MYSM1: variants seen among roughly 807,000 people sequenced by gnomAD.
MYSM1 encodes the protein deubiquitinase MYSM1.
In MYSM1, 51 loss-of-function variants were observed where a neutral mutation model predicts 116.0. That is an observed-to-expected ratio of 0.44 (90% CI 0.35 to 0.56). The LOEUF (loss-of-function observed/expected upper bound fraction) is 0.56. Ranked by LOEUF, MYSM1 falls within the 20% of genes least tolerant of loss-of-function variation. The pLI is 0.00. For synonymous variants in MYSM1, 313 were observed against 315.2 expected (o/e 0.99, Z 0.07); for missense variants, 900 against 974.9 (o/e 0.92, Z 1.02).
chr1:58,659,123 A>G lies in MYSM1; in HGVS notation c.*874T>C, dbSNP rs1025429203. 6.6e-6 allele frequency: 1 copy of G among 152,054 alleles called. No individual in the cohort carries two copies. Among genetic ancestry groups the G allele is most frequent in the East Asian group, 1.9e-4 (1 of 5,184 alleles). 9.4% of individuals were successfully genotyped at this position (152,054 alleles called of 1,614,324 possible). On this transcript the variant is annotated 3_prime_UTR_variant, in exon 20 of 20. Coordinates refer to ENST00000472487, the MANE Select transcript of MYSM1 (RefSeq NM_001085487.3). The stretch of plus-strand genomic sequence containing the variant: ...CAGAAAGCATATGAAACTGGGCTGA[A>G]TATGTAACATGTCCTGAAAGGCTTG...
chr1:58,668,281 T>C (rs542375759), intron 14 of MYSM1: 1 of 384,802 alleles, frequency 2.6e-6, no homozygotes, highest in South Asian at 5.6e-5. Context: ...ACACAAAAAC[T>C]GTTGGAGGTA....
At chr1:58,660,203 G>A in intron 19 of MYSM1, 48 bp from the exon 20 acceptor site, 2 of 1,263,500 alleles carry the variant, frequency 1.6e-6, no homozygotes, top group Non-Finnish European at 2.1e-6. Context: ...AAAGTATGAG[G>A]GTTTGCATTA....
intron 9 of MYSM1, 64 bp downstream of exon 9, chr1:58,676,862 A>T: frequency 6.5e-7 from 1 of 1,537,298 alleles, no homozygotes; most frequent in Non-Finnish European, 8.8e-7. Flanking sequence ...CATCATAGAA[A>T]TGAATAAGTG....
chr1:58,665,583 G>A lies in MYSM1; in HGVS notation c.2080C>T (p.Pro694Ser). ...GGTAAGGGATTATTTCGATTATAGG[G>A]ACTAACAATCATCCCAATGAACTTT... Reference protein sequence around the residue: ...GAKFIGMIVSPYNRNNPLPYS... With the variant: ...GAKFIGMIVSSYNRNNPLPYS... The change falls in exon 17 of 20, where the codon CCC becomes TCC. Residue 694 changes from proline (P) to serine (S), a missense_variant. Physicochemically the swap from Pro to Ser is moderately conservative, Grantham distance 74. This residue lies in a region of MYSM1 where 186 missense variants were observed against 196.2 expected (regional missense o/e 0.95). Coordinates refer to ENST00000472487, the MANE Select transcript of MYSM1 (RefSeq NM_001085487.3). 6.3e-7 allele frequency: 1 copy of A among 1,587,074 alleles called. No individual in the cohort carries two copies. Among genetic ancestry groups the A allele is most frequent in the East Asian group, 2.2e-5 (1 of 44,668 alleles).
chr1:58,694,611 G>C (rs2746082), intron 2 of MYSM1, among the ~76,000 whole-genome samples: 92,271 of 150,698 alleles, frequency 0.61, 28,360 homozygotes, highest in East Asian at 0.64. Flanking sequence ...CAAAGAGACT[G>C]CATCTCAAAA....
intron 3 of MYSM1, among the ~76,000 whole-genome samples, chr1:58,691,046 G>A (rs1331336747): frequency 2.6e-5 from 4 of 152,078 alleles, no homozygotes; most frequent in Admixed American, 1.3e-4. Context: ...TTGGAAGGCC[G>A]AGGCAGGCGG....
chr1:58,690,911 C>G (rs1644896100), intron 3 of MYSM1, among the ~76,000 whole-genome samples: 1 of 152,160 alleles, frequency 6.6e-6, no homozygotes, highest in South Asian at 2.1e-4. Flanking sequence ...ATCCAAGGAT[C>G]TTCTCTACCT....
At chr1:58,666,301 C>A (rs116430479) in intron 16 of MYSM1, among the ~76,000 whole-genome samples, 2 of 152,252 alleles carry the variant, frequency 1.3e-5, no homozygotes, top group Non-Finnish European at 2.9e-5. Context: ...CAAACCCAGT[C>A]ACATATCAAG....
At chr1:58,661,089 A>G (rs760210372) in intron 19 of MYSM1, 81 bp downstream of exon 19, 11 of 969,102 alleles carry the variant, frequency 1.1e-5, no homozygotes, top group Non-Finnish European at 1.6e-5. Flanking sequence ...ACAAAGTATT[A>G]GGCATCATGG....
chr1:58,698,084 C>CTCTATATATATATATATATATATA (rs1443443579), intron 1 of MYSM1, among the ~76,000 whole-genome samples: 3 of 31,412 alleles, frequency 9.6e-5, no homozygotes, highest in African/African-American at 3.8e-4. Context: ...ATTTATCAGA[C>CTCTATATATATATATATATATATA]TATATATATA....
At chr1:58,689,174 A>C (rs909212540) in intron 5 of MYSM1, 58 bp from the exon 6 acceptor site, 2 of 1,322,270 alleles carry the variant, frequency 1.5e-6, no homozygotes, top group African/African-American at 3.0e-5. Flanking sequence ...TTCCATATTT[A>C]TGTAACTAAA....
At chr1:58,665,809 C>A (rs232791) in intron 16 of MYSM1, among the ~76,000 whole-genome samples, 178 bp from the exon 17 acceptor site, 1 of 152,206 alleles carries the variant, frequency 6.6e-6, no homozygotes, top group Non-Finnish European at 1.5e-5. Flanking sequence ...CTTTGGGAGA[C>A]TGAGGCAGGC....
intron 3 of MYSM1, 76 bp downstream of exon 3, chr1:58,692,785 G>A (rs1366493868): frequency 2.3e-5 from 23 of 1,017,570 alleles, no homozygotes; most frequent in Non-Finnish European, 3.1e-5. Flanking sequence ...GTAAACAGTG[G>A]CCTCTTGTAA....
Position 58,685,233 on chromosome 1 carries a change from A to C in MYSM1, c.418T>G (p.Trp140Gly). The change falls in exon 7 of 20, where the codon TGG becomes GGG. Residue 140 changes from tryptophan (W) to glycine (G), a missense_variant. By Grantham distance (184) the Trp-to-Gly change is radical. Around this residue, in one of 3 missense-constraint regions of MYSM1, gnomAD observed 622 missense variants for 623.7 expected, o/e 1.00. Coordinates refer to ENST00000472487, the MANE Select transcript of MYSM1 (RefSeq NM_001085487.3). ...CCAATTAGCTTTGAAATTTTGGTCC[A>C]TCTTCGGCCAAATTTAGCCTGTATT... Reference protein sequence around the residue: ...EQGLAKFGRRWTKISKLIGSR... With the variant: ...EQGLAKFGRRGTKISKLIGSR... 1 of 1,607,562 alleles carries C rather than the reference A, an allele frequency of 6.2e-7. No individual in the cohort carries two copies. The highest frequency in any genetic ancestry group is 8.5e-7 in the Non-Finnish European group (1 of 1,178,012).
chr1:58,679,115 A>G (rs584284), intron 8 of MYSM1, among the ~76,000 whole-genome samples: 95,234 of 152,000 alleles, frequency 0.63, 30,036 homozygotes, highest in African/African-American at 0.69. Context: ...TTATGAAAAG[A>G]ATCTTTATCT....
intron 8 of MYSM1, among the ~76,000 whole-genome samples, chr1:58,680,626 T>C (rs1333945227): frequency 1.3e-5 from 2 of 152,132 alleles, no homozygotes; most frequent in Non-Finnish European, 1.5e-5. Context: ...TTATAGCAAG[T>C]TGTTTTCCTT....
chr1:58,677,024 G>A lies in MYSM1; in HGVS notation c.1292C>T (p.Thr431Ile). 1.9e-6 allele frequency: 3 copies of A among 1,607,456 alleles called. No homozygotes were observed. Among genetic ancestry groups the A allele is most frequent in the Non-Finnish European group, 2.5e-6 (3 of 1,176,968 alleles). Residue 431 changes from threonine (T) to isoleucine (I), a missense_variant, in exon 9 of 20, where the codon ACC becomes ATC. This residue lies in a region of MYSM1 where 622 missense variants were observed against 623.7 expected (regional missense o/e 1.00). Transcript: ENST00000472487. ...EICKPKYLNKTSVRPGLKNCG... is the reference protein window; with the variant it reads ...EICKPKYLNKISVRPGLKNCG... The stretch of plus-strand genomic sequence containing the variant: ...GTTCTTCAGGCCAGGACGTACTGAG[G>A]TCTTATTTAAGTATTTTGGTTTGCA...
At chr1:58,699,781 G>A (rs1645035946) in intron 1 of MYSM1, 1 of 985,480 alleles carries the variant, frequency 1.0e-6, no homozygotes, top group South Asian at 4.7e-5. Flanking sequence ...CGACCCAGGA[G>A]TACCTGAGCT....
rs113997472 is a variant in MYSM1 at position 58,683,581 on chromosome 1, G to A, written c.499-1036C>T. ...AACAACAAAAAAAGATAATGAAAGT[G>A]AATGAGCAAATATAACATGAAATAA... On this transcript the variant is annotated intron_variant, in intron 7 of 19. Coordinates refer to ENST00000472487, the MANE Select transcript of MYSM1 (RefSeq NM_001085487.3). Among the ~76,000 whole-genome samples the A allele has an allele frequency of 7.6e-4, 116 of 152,186 alleles. 1 individual carries two copies. Among genetic ancestry groups the A allele is most frequent in the Admixed American group, 2.2e-3 (33 of 15,288 alleles).
Sources: gnomAD v4.1 joint callset for allele counts (sites outside exome capture counted in the v4.1 genomes callset) on GRCh38, gnomAD v4.1.1 for gene constraint, gnomAD v4.1.1 regional missense constraint, MANE v1.5 for transcripts, NCBI Gene and HGNC (gene_info 2026-07-23, HGNC 2026-07-21) for gene names.